The following C1QTNF7 variants were observed in gnomAD, a reference collection of about 807,000 sequenced individuals.
The protein encoded by C1QTNF7 is C1q and TNF related 7.
In C1QTNF7, 15 loss-of-function variants were observed where a neutral mutation model predicts 19.6. The observed-to-expected ratio is 0.76, with a 90% confidence interval of 0.51 to 1.18. The LOEUF (loss-of-function observed/expected upper bound fraction) is 1.18. Among genes scored for constraint, C1QTNF7 ranks in the 50% most tolerant of loss-of-function variants. The pLI, the probability that C1QTNF7 is intolerant of heterozygous loss-of-function variation, is 0.00. For synonymous variants in C1QTNF7, 142 were observed against 137.5 expected, an observed-to-expected ratio of 1.03 and a Z score of -0.23; for missense variants, 324 against 359.7, an observed-to-expected ratio of 0.90 and a Z score of 0.80.
At chr4:15,440,634 C>A (rs150869007) in intron 2 of C1QTNF7, among the ~76,000 whole-genome samples, 155 of 152,114 alleles carry the variant, frequency 1.0e-3, no homozygotes, top group African/African-American at 3.5e-3. Flanking sequence ...TCTTGATCTG[C>A]GGACCTCGTT....
At chr4:15,350,901 T>C (rs1426656204) in intron 1 of C1QTNF7, among the ~76,000 whole-genome samples, 1 of 152,202 alleles carries the variant, frequency 6.6e-6, no homozygotes. Flanking sequence ...TTCCCAAGAT[T>C]TGATGTTAAT....
Position 15,442,417 on chromosome 4 carries a change from T to G in C1QTNF7, c.488T>G (p.Leu163Arg). The G allele has an allele frequency of 6.2e-7, 1 of 1,614,188 alleles. No homozygotes were observed. The highest frequency in any genetic ancestry group is 2.2e-5 in the East Asian group (1 of 44,880). The change falls in exon 3 of 3, where the codon CTA becomes CGA. Residue 163 changes from leucine (L) to arginine (R), a missense_variant. Physicochemically the swap from Leu to Arg is moderately radical, Grantham distance 102. Coordinates refer to ENST00000444304, the MANE Select transcript of C1QTNF7 (RefSeq NM_031911.5). ...GITTSYPEER[L>R]PIIFNKVLFN... ...ACAACCAGCTACCCAGAAGAAAGAC[T>G]ACCTATTATATTTAACAAGGTCCTC...
chr4:15,394,854 G>A (rs539098882), intron 1 of C1QTNF7, among the ~76,000 whole-genome samples: 10 of 151,922 alleles, frequency 6.6e-5, no homozygotes, highest in Admixed American at 3.3e-4. Flanking sequence ...GATAGATATC[G>A]GCACCCAAGG....
intron 1 of C1QTNF7, among the ~76,000 whole-genome samples, chr4:15,381,242 C>G (rs1037381572): frequency 2.0e-5 from 3 of 151,634 alleles, no homozygotes; most frequent in African/African-American, 7.3e-5. Flanking sequence ...ACAGTGAAAC[C>G]CTGTCTCTAC....
At chr4:15,411,234 G>A (rs1719392845) in intron 1 of C1QTNF7, among the ~76,000 whole-genome samples, 1 of 152,128 alleles carries the variant, frequency 6.6e-6, no homozygotes, top group African/African-American at 2.4e-5. Flanking sequence ...GGCACACTGA[G>A]GCATAAAGAG....
At chr4:15,340,846 T>C (rs1170722407) in intron 1 of C1QTNF7, among the ~76,000 whole-genome samples, 2 of 152,198 alleles carry the variant, frequency 1.3e-5, no homozygotes, top group Non-Finnish European at 2.9e-5. Context: ...GACAATGTTA[T>C]CTAAATAGGG....
At position 15,407,472 on chromosome 4, in the gene C1QTNF7, T is replaced by C. The variant is rs116343805; in HGVS notation, c.14-28264T>C. ...CTGGCTTGTTTACCTGCACTGATGTTAGCCGCAAGCCTAATCAAGTGGAGG... is the reference window on the plus strand; with the variant it reads ...CTGGCTTGTTTACCTGCACTGATGTCAGCCGCAAGCCTAATCAAGTGGAGG... On this transcript the variant is annotated intron_variant, in intron 1 of 2. Transcript: ENST00000295297. Among the ~76,000 whole-genome samples, 673 of 152,318 alleles carry C rather than the reference T, an allele frequency of 4.4e-3. 3 individuals carry two copies. Among genetic ancestry groups the C allele is most frequent in the African/African-American group, 0.015 (632 of 41,578 alleles).
At chr4:15,366,432 T>G (rs1208510961) in intron 1 of C1QTNF7, among the ~76,000 whole-genome samples, 5 of 152,196 alleles carry the variant, frequency 3.3e-5, no homozygotes, top group African/African-American at 1.2e-4. Flanking sequence ...GTATGGCACA[T>G]GAAAAACTGC....
chr4:15,343,155 C>A (rs74643492), intron 1 of C1QTNF7, among the ~76,000 whole-genome samples: 174 of 152,254 alleles, frequency 1.1e-3, no homozygotes, highest in African/African-American at 4.0e-3. Flanking sequence ...ATGTGTGCAC[C>A]GACTCCCGTG....
At chr4:15,343,333 T>C (rs888484015) in intron 1 of C1QTNF7, among the ~76,000 whole-genome samples, 1 of 152,228 alleles carries the variant, frequency 6.6e-6, no homozygotes, top group African/African-American at 2.4e-5. Context: ...TTTCCCAAGA[T>C]TTAATTGAAA....
intron 1 of C1QTNF7, chr4:15,374,127 T>A (rs905798207): frequency 6.6e-6 from 1 of 152,210 alleles, no homozygotes; most frequent in African/African-American, 2.4e-5. Context: ...CTCCCTACAG[T>A]GGACACAGCA....
At chr4:15,387,316 G>A (rs1718375993) in intron 1 of C1QTNF7, among the ~76,000 whole-genome samples, 1 of 152,142 alleles carries the variant, frequency 6.6e-6, no homozygotes, top group Non-Finnish European at 1.5e-5. Context: ...TGTCTAGCAG[G>A]TAGCTGAATG....
intron 1 of C1QTNF7, among the ~76,000 whole-genome samples, chr4:15,379,151 C>T (rs995712585): frequency 6.6e-6 from 1 of 152,158 alleles, no homozygotes; most frequent in African/African-American, 2.4e-5. Context: ...ATGCAAAGCA[C>T]ATTTTTTTAA....
At chr4:15,408,310 T>C (rs1437016339) in intron 1 of C1QTNF7, among the ~76,000 whole-genome samples, 4 of 149,968 alleles carry the variant, frequency 2.7e-5, no homozygotes, top group Non-Finnish European at 4.4e-5. Flanking sequence ...TTTGTATGTA[T>C]ATACAGATAA....
chr4:15,430,796 C>T (rs1323257448), intron 1 of C1QTNF7, among the ~76,000 whole-genome samples: 5 of 152,088 alleles, frequency 3.3e-5, no homozygotes, highest in Admixed American at 1.3e-4. Flanking sequence ...CCCTACCTCA[C>T]ACTTTTTATC....
At chr4:15,387,455 A>G (rs1455850696) in intron 1 of C1QTNF7, among the ~76,000 whole-genome samples, 1 of 152,218 alleles carries the variant, frequency 6.6e-6, no homozygotes, top group Non-Finnish European at 1.5e-5. Flanking sequence ...CTAGGCTTCC[A>G]ATATTTGCCA....
intron 1 of C1QTNF7, among the ~76,000 whole-genome samples, chr4:15,370,520 C>T (rs1717682988): frequency 1.3e-5 from 2 of 152,202 alleles, no homozygotes. Flanking sequence ...CTTCCAGTCT[C>T]TGTTCCCTCA....
At chr4:15,391,731 C>T (rs1718566022) in intron 1 of C1QTNF7, among the ~76,000 whole-genome samples, 1 of 152,090 alleles carries the variant, frequency 6.6e-6, no homozygotes, top group Non-Finnish European at 1.5e-5. Context: ...ACAATTATGC[C>T]TTATAAATAA....
intron 1 of C1QTNF7, among the ~76,000 whole-genome samples, chr4:15,399,599 A>G (rs189454631): frequency 4.1e-4 from 63 of 152,340 alleles, no homozygotes; most frequent in Non-Finnish European, 7.8e-4. Context: ...GACTTAGCCC[A>G]ATGTTTGAAC....
Sources: gnomAD v4.1 joint callset for allele counts (sites outside exome capture counted in the v4.1 genomes callset) on GRCh38, gnomAD v4.1.1 for gene constraint, MANE v1.5 for transcripts, NCBI Gene and HGNC (gene_info 2026-07-23, HGNC 2026-07-21) for gene names.